TMEM135: variants seen among roughly 807,000 people sequenced by gnomAD.
The protein encoded by TMEM135 is peroxisomal membrane protein 52.
In TMEM135, 30 loss-of-function variants were observed where a neutral mutation model predicts 60.3. The ratio of observed to expected loss-of-function variants is 0.50; its 90% CI spans 0.37 to 0.68. The LOEUF is 0.68. Among genes scored for constraint, TMEM135 ranks in the 30% least tolerant of loss-of-function variants. The probability of loss-of-function intolerance (pLI) is 0.00; values close to 1 mark genes in which losing one functional copy is unlikely to be tolerated. For missense variants in TMEM135, 468 were observed against 548.8 expected, an observed-to-expected ratio of 0.85 and a Z score of 1.47; for synonymous variants, 190 against 186.7, an observed-to-expected ratio of 1.02 and a Z score of -0.14.
chr11:87,164,972 A>G (rs1938995730), intron 5 of TMEM135, among the ~76,000 whole-genome samples: 1 of 27,996 alleles, frequency 3.6e-5, no homozygotes, highest in African/African-American at 1.6e-4. Context: ...ATAAACAATC[A>G]TGTCGTCTGC....
Position 87,323,687 on chromosome 11 carries a change from C to T in TMEM135, c.*2354C>T, listed in dbSNP as rs867908062. On this transcript the variant is annotated 3_prime_UTR_variant, in exon 15 of 15. Transcript: ENST00000305494. ...TGGGGCAGTGGTATTATGGTCATTT[C>T]GTTGCTATTTTCTGTTTTAATAAAA... is the stretch of plus-strand genomic sequence containing the variant. 6 of 452,728 alleles carry T rather than the reference C, an allele frequency of 1.3e-5. No individual in the cohort carries two copies. The highest frequency in any genetic ancestry group is 1.4e-3 in the Middle Eastern group (2 of 1,460). 28.0% of individuals were successfully genotyped at this position (452,728 alleles called of 1,614,324 possible). A position where few individuals can be genotyped will look rare whatever the true frequency, so the allele number is the denominator to read the frequency against.
chr11:87,183,831 CT>C (rs1038751752), intron 5 of TMEM135, among the ~76,000 whole-genome samples: 2 of 151,830 alleles, frequency 1.3e-5, no homozygotes. Flanking sequence ...TGGCGGGCGC[CT>C]GTAATCCCAG....
chr11:87,122,858 C>CT (rs1314354166), intron 4 of TMEM135, among the ~76,000 whole-genome samples: 2 of 152,176 alleles, frequency 1.3e-5, no homozygotes, highest in African/African-American at 2.4e-5. Context: ...CCTGAACCCT[C>CT]TCTCAGGTAT....
intron 9 of TMEM135, 123 bp from the exon 10 acceptor site, chr11:87,309,382 T>G (rs896559699): frequency 4.3e-6 from 4 of 920,490 alleles, no homozygotes; most frequent in Non-Finnish European, 6.8e-6. Flanking sequence ...TTTATTTTGC[T>G]GTGCTATAAA....
intron 4 of TMEM135, among the ~76,000 whole-genome samples, chr11:87,132,766 A>T (rs1295875427): frequency 6.6e-6 from 1 of 152,178 alleles, no homozygotes. Flanking sequence ...CAAGACCCCT[A>T]GTGGATGCTG....
At chr11:87,289,492 A>G (rs1942228622) in intron 6 of TMEM135, among the ~76,000 whole-genome samples, 1 of 118,476 alleles carries the variant, frequency 8.4e-6, no homozygotes, top group Non-Finnish European at 1.6e-5. Flanking sequence ...TCTGTCACCC[A>G]GGCTGGAGTG....
intron 2 of TMEM135, 91 bp downstream of exon 2, chr11:87,067,912 C>T (rs1309398477): frequency 6.8e-7 from 1 of 1,474,996 alleles, no homozygotes. Context: ...ATGTGGGTTA[C>T]TATCCCCGCC....
At chr11:87,053,608 C>G (rs1049140628) in intron 1 of TMEM135, among the ~76,000 whole-genome samples, 1 of 151,888 alleles carries the variant, frequency 6.6e-6, no homozygotes, top group African/African-American at 2.4e-5. Flanking sequence ...ATTACAGTTA[C>G]TTCCCTTACT....
chr11:87,133,978 C>T (rs1938013893), intron 4 of TMEM135, among the ~76,000 whole-genome samples: 1 of 151,768 alleles, frequency 6.6e-6, no homozygotes, highest in African/African-American at 2.4e-5. Context: ...AAAGCTGCTA[C>T]AGAATTCACA....
intron 5 of TMEM135, among the ~76,000 whole-genome samples, chr11:87,225,622 A>T (rs1940749496): frequency 6.6e-6 from 1 of 152,052 alleles, no homozygotes; most frequent in Non-Finnish European, 1.5e-5. Context: ...TAGTTAGTGA[A>T]GGCAAATTTC....
intron 3 of TMEM135, among the ~76,000 whole-genome samples, chr11:87,083,379 G>A (rs1015620998): frequency 6.6e-6 from 1 of 152,118 alleles, no homozygotes; most frequent in Non-Finnish European, 1.5e-5. Flanking sequence ...TTGTTCTGAT[G>A]GATTTTGTTT....
chr11:87,259,241 T>G, intron 6 of TMEM135: 2 of 443,912 alleles, frequency 4.5e-6, no homozygotes, highest in East Asian at 4.8e-5. Context: ...GGGATAGGGG[T>G]TCCCCTGCGA....
intron 4 of TMEM135, among the ~76,000 whole-genome samples, chr11:87,115,043 A>C (rs1436710067): frequency 6.6e-6 from 1 of 152,182 alleles, no homozygotes; most frequent in Non-Finnish European, 1.5e-5. Context: ...TTTTGGAGGA[A>C]TGTTGAATGT....
intron 4 of TMEM135, among the ~76,000 whole-genome samples, chr11:87,110,617 A>T (rs2135197888): frequency 6.6e-6 from 1 of 152,340 alleles, no homozygotes; most frequent in South Asian, 2.1e-4. Context: ...AGGGAAAAGA[A>T]GCTATTAAAC....
intron 5 of TMEM135, among the ~76,000 whole-genome samples, chr11:87,234,428 C>G (rs1940951251): frequency 6.6e-6 from 1 of 152,028 alleles, no homozygotes; most frequent in Admixed American, 6.6e-5. Context: ...ATGAATCAGT[C>G]AATTGCACTG....
intron 11 of TMEM135, 39 bp downstream of exon 11, chr11:87,313,527 AAT>A: frequency 6.6e-7 from 1 of 1,506,232 alleles, no homozygotes; most frequent in South Asian, 1.1e-5. Flanking sequence ...TTATTGTATT[AAT>A]CAGTGGTAGG....
rs1414212780 is a variant in TMEM135 at position 87,325,559 on chromosome 11, C to T, written c.*4226C>T. On this transcript the variant is annotated 3_prime_UTR_variant, in exon 15 of 15. Coordinates refer to ENST00000305494, the MANE Select transcript of TMEM135 (RefSeq NM_022918.4). ...CTGCTCCCTCTCCCTGCCACCTTGT[C>T]CATTCTCTGCTTGCTGGTGTTACTT... 1 of 453,948 alleles carries T rather than the reference C, an allele frequency of 2.2e-6. No individual in the cohort carries two copies. Among genetic ancestry groups the T allele is most frequent in the South Asian group, 1.6e-5 (1 of 64,460 alleles). 28.1% of individuals were successfully genotyped at this position (453,948 alleles called of 1,614,324 possible). A position where few individuals can be genotyped will look rare whatever the true frequency, so the allele number is the denominator to read the frequency against.
At chr11:87,053,444 T>C (rs1156353855) in intron 1 of TMEM135, among the ~76,000 whole-genome samples, 1 of 152,212 alleles carries the variant, frequency 6.6e-6, no homozygotes, top group Non-Finnish European at 1.5e-5. Context: ...ATTGATCGTT[T>C]ATTTATTATC....
rs376999371 is a variant in TMEM135 at position 87,289,437 on chromosome 11, C to CTTTTTTTTTTT, written c.510-6326_510-6316dup. On this transcript the variant is annotated intron_variant, in intron 6 of 14. Coordinates refer to ENST00000305494, the MANE Select transcript of TMEM135 (RefSeq NM_022918.4). Reference sequence around the variant, plus strand: ...TATCCTTTAACAAATATCTCCATATCTTTTTTTTTTTTTTTTTTTTTTTTT... The same window carrying CTTTTTTTTTTT: ...TATCCTTTAACAAATATCTCCATATCTTTTTTTTTTTTTTTTTTTTTTTTTTTTTTTTTTTT... 1.5e-4 allele frequency among the ~76,000 whole-genome samples: 13 copies of CTTTTTTTTTTT among 87,606 alleles called. 1 individual carries two copies. Among genetic ancestry groups the CTTTTTTTTTTT allele is most frequent in the East Asian group, 1.1e-3 (2 of 1,780 alleles). The allele number at this position is 87,606 out of a possible 152,430, so 57.5% of individuals were successfully genotyped here.
Sources: gnomAD v4.1 joint callset for allele counts (sites outside exome capture counted in the v4.1 genomes callset) on GRCh38, gnomAD v4.1.1 for gene constraint, MANE v1.5 for transcripts, NCBI Gene and HGNC (gene_info 2026-07-23, HGNC 2026-07-21) for gene names.